Variants in DDAH1 observed in about 807,000 individuals in gnomAD.
DDAH1 encodes the protein dimethylarginine dimethylaminohydrolase 1.
Under a neutral mutation model 28.8 loss-of-function variants are expected in DDAH1, and 19 were observed. The observed-to-expected ratio is 0.66, with a 90% CI of 0.46 to 0.97. The LOEUF (loss-of-function observed/expected upper bound fraction) is 0.97. Among genes scored for constraint, DDAH1 ranks in the 50% least tolerant of loss-of-function variants. The probability of loss-of-function intolerance (pLI) is 0.00; values close to 1 mark genes in which losing one functional copy is unlikely to be tolerated. For missense variants in DDAH1, 326 were observed against 375.9 expected (o/e 0.87, Z 1.10); for synonymous variants, 153 against 154.4 (o/e 0.99, Z 0.07).
chr1:85,371,649 T>G, intron 1 of DDAH1, among the ~76,000 whole-genome samples: 1 of 152,150 alleles, frequency 6.6e-6, no homozygotes, highest in Non-Finnish European at 1.5e-5. Context: ...CAAGAACAAC[T>G]TTCAAACACA....
At chr1:85,537,755 C>T (rs553190326) in intron 1 of DDAH1, among the ~76,000 whole-genome samples, 1 of 150,896 alleles carries the variant, frequency 6.6e-6, no homozygotes, top group African/African-American at 2.5e-5. Context: ...CAAGTTTTGA[C>T]CCAGACTCAG....
chr1:85,571,243 C>T (rs1455870185), intron 1 of DDAH1, among the ~76,000 whole-genome samples: 2 of 152,170 alleles, frequency 1.3e-5, no homozygotes, highest in Non-Finnish European at 2.9e-5. Flanking sequence ...GGGTCGGTCC[C>T]ATCTGTAATC....
At chr1:85,382,401 A>G (rs28847138) in intron 1 of DDAH1, among the ~76,000 whole-genome samples, 2,615 of 152,274 alleles carry the variant, frequency 0.017, 72 homozygotes, top group East Asian at 0.12. Context: ...GTTTAAAGGT[A>G]GCAGAGGCTG....
chr1:85,353,114 G>A (rs1430272351), intron 2 of DDAH1, among the ~76,000 whole-genome samples: 1 of 152,108 alleles, frequency 6.6e-6, no homozygotes, highest in African/African-American at 2.4e-5. Context: ...TCTGCAGGAT[G>A]AAACTTCATT....
intron 4 of DDAH1, among the ~76,000 whole-genome samples, chr1:85,328,766 T>A (rs981133871): frequency 6.6e-6 from 1 of 152,214 alleles, no homozygotes; most frequent in Non-Finnish European, 1.5e-5. Context: ...CTGGTCAACC[T>A]AGACACAAAC....
At chr1:85,495,751 G>T (rs1006530115) in intron 2 of DDAH1, 1 of 152,228 alleles carries the variant, frequency 6.6e-6, no homozygotes, top group African/African-American at 2.4e-5. Flanking sequence ...CATGGCCAAG[G>T]AATGTGGACT....
intron 1 of DDAH1, among the ~76,000 whole-genome samples, chr1:85,498,517 A>C (rs1375012224): frequency 6.6e-6 from 1 of 152,250 alleles, no homozygotes; most frequent in African/African-American, 2.4e-5. Flanking sequence ...ATGTGAAATC[A>C]TAGTAGATTC....
At chr1:85,570,058 C>G (rs1363014823) in intron 1 of DDAH1, among the ~76,000 whole-genome samples, 1 of 152,160 alleles carries the variant, frequency 6.6e-6, no homozygotes, top group East Asian at 1.9e-4. Context: ...ATCTCAGTTT[C>G]TGGAGAGCTG....
At chr1:85,332,057 C>G (rs1334247317) in intron 4 of DDAH1, among the ~76,000 whole-genome samples, 2 of 152,150 alleles carry the variant, frequency 1.3e-5, no homozygotes, top group East Asian at 3.9e-4. Context: ...CCCCAAGGAC[C>G]CTGAAACTGG....
At chr1:85,479,221 C>T (rs12083477) in intron 2 of DDAH1, among the ~76,000 whole-genome samples, 2,999 of 131,642 alleles carry the variant, frequency 0.023, 62 homozygotes, top group Middle Eastern at 0.09. Flanking sequence ...GGCCGGACTG[C>T]GGACTGCAGT....
At chr1:85,353,070 C>G (rs1210044956) in intron 2 of DDAH1, among the ~76,000 whole-genome samples, 3 of 152,136 alleles carry the variant, frequency 2.0e-5, no homozygotes, top group Admixed American at 2.0e-4. Flanking sequence ...GAAATCAAAA[C>G]ATCAAAAGAT....
chr1:85,518,438 G>A (rs1348587875), intron 1 of DDAH1, among the ~76,000 whole-genome samples: 1 of 152,152 alleles, frequency 6.6e-6, no homozygotes, highest in Non-Finnish European at 1.5e-5. Flanking sequence ...TTGTAAGACC[G>A]AGATCTCTCT....
intron 1 of DDAH1, among the ~76,000 whole-genome samples, chr1:85,407,178 T>C (rs1213317016): frequency 6.6e-6 from 1 of 152,160 alleles, no homozygotes; most frequent in Non-Finnish European, 1.5e-5. Context: ...ATTGCCCCAG[T>C]ATTAAAGTTC....
intron 1 of DDAH1, among the ~76,000 whole-genome samples, chr1:85,425,807 C>T (rs909751334): frequency 6.6e-6 from 1 of 152,118 alleles, no homozygotes; most frequent in African/African-American, 2.4e-5. Context: ...AAATCTTGTA[C>T]CCACCTTGTA....
chr1:85,576,961 GCCGCCGCCACCGCCACCGCCA>G (rs1405847471), intron 1 of DDAH1: 4 of 148,456 alleles, frequency 2.7e-5, no homozygotes, highest in African/African-American at 1.0e-4. Flanking sequence ...GACAGCCGCC[GCCGCCGCCACCGCCACCGCCA>G]CCGCCCCCCG....
chr1:85,385,933 A>C (rs781228086), intron 1 of DDAH1, among the ~76,000 whole-genome samples: 1 of 152,030 alleles, frequency 6.6e-6, no homozygotes, highest in Non-Finnish European at 1.5e-5. Flanking sequence ...ATGAAGGAGG[A>C]GAGAGAGGGA....
intron 1 of DDAH1, among the ~76,000 whole-genome samples, chr1:85,501,357 C>T (rs1656812348): frequency 6.6e-6 from 1 of 152,166 alleles, no homozygotes; most frequent in Non-Finnish European, 1.5e-5. Context: ...GAGAACATCT[C>T]CACTCAGAAC....
intron 1 of DDAH1, among the ~76,000 whole-genome samples, chr1:85,370,031 C>G (rs562745982): frequency 6.6e-6 from 1 of 152,162 alleles, no homozygotes; most frequent in Non-Finnish European, 1.5e-5. Flanking sequence ...GTGTTATGGG[C>G]TATGTGTCTC....
intron 1 of DDAH1, among the ~76,000 whole-genome samples, chr1:85,434,708 T>C (rs1470202705): frequency 3.3e-5 from 5 of 152,156 alleles, no homozygotes; most frequent in Non-Finnish European, 2.9e-5. Flanking sequence ...TCTGTTTTAA[T>C]GTTACAATAA....
Sources: allele counts gnomAD v4.1 joint callset (sites outside exome capture counted in the v4.1 genomes callset), GRCh38; gene constraint gnomAD v4.1.1; transcripts MANE v1.5; gene names NCBI Gene and HGNC (gene_info 2026-07-23, HGNC 2026-07-21).